The following GMDS variants were observed in gnomAD, a reference collection of about 807,000 sequenced individuals.
GMDS encodes GDP-mannose 4,6 dehydratase.
In GMDS, 20 loss-of-function variants were observed where a neutral mutation model predicts 49.9. That is an observed-to-expected ratio of 0.40 (90% CI 0.28 to 0.58). GMDS has a LOEUF of 0.58. Ranked by LOEUF, GMDS falls within the 20% of genes least tolerant of loss-of-function variation. GMDS has a pLI of 0.42. For synonymous variants in GMDS, 177 were observed against 178.6 expected, an observed-to-expected ratio of 0.99 and a Z score of 0.07; for missense variants, 362 against 481.4, an observed-to-expected ratio of 0.75 and a Z score of 2.32.
chr6:1,961,574 C>T (rs535215113), intron 4 of GMDS, among the ~76,000 whole-genome samples: 94 of 152,170 alleles, frequency 6.2e-4, no homozygotes, highest in African/African-American at 1.8e-3. Flanking sequence ...AGGAATAATT[C>T]GATATTTTGC....
At chr6:2,167,119 C>T (rs554449897) in intron 1 of GMDS, among the ~76,000 whole-genome samples, 2 of 152,320 alleles carry the variant, frequency 1.3e-5, no homozygotes, top group South Asian at 4.1e-4. Context: ...CCAATGACTT[C>T]CTAGATACCT....
intron 9 of GMDS, among the ~76,000 whole-genome samples, chr6:1,630,432 A>G (rs1336482350): frequency 1.3e-5 from 2 of 152,206 alleles, no homozygotes; most frequent in African/African-American, 4.8e-5. Context: ...ACAGAGGAGC[A>G]TGCTCCCCAC....
intron 4 of GMDS, among the ~76,000 whole-genome samples, chr6:2,089,107 TG>T (rs1441458471): frequency 6.6e-6 from 1 of 152,226 alleles, no homozygotes; most frequent in Non-Finnish European, 1.5e-5. Context: ...TTTAAAATAC[TG>T]TTATCCAGTA....
At chr6:2,075,960 G>T (rs559973312) in intron 4 of GMDS, among the ~76,000 whole-genome samples, 1 of 152,154 alleles carries the variant, frequency 6.6e-6, no homozygotes, top group East Asian at 1.9e-4. Context: ...TAACTGGTGT[G>T]AGATGGTATC....
At chr6:2,001,745 A>G (rs1766829824) in intron 4 of GMDS, among the ~76,000 whole-genome samples, 1 of 152,210 alleles carries the variant, frequency 6.6e-6, no homozygotes, top group Admixed American at 6.5e-5. Context: ...TGTGTCTAGG[A>G]TCGACTGATT....
At chr6:2,010,708 G>A (rs1767506204) in intron 4 of GMDS, among the ~76,000 whole-genome samples, 1 of 152,106 alleles carries the variant, frequency 6.6e-6, no homozygotes, top group Admixed American at 6.5e-5. Flanking sequence ...AAGAACATCA[G>A]AAGTGATAAA....
Position 1,833,262 on chromosome 6 carries a change from G to A in GMDS, c.772-90676C>T, listed in dbSNP as rs989864438. Among the ~76,000 whole-genome samples, 1 of 150,964 alleles carries A rather than the reference G, an allele frequency of 6.6e-6. No individual in the cohort carries two copies. The highest frequency in any genetic ancestry group is 2.4e-5 in the African/African-American group (1 of 40,984). ...CTGGGCTTCAATGCCAAAACTACAC[G>A]TGTCAGTGACTTCCAGAGAAGGGGA... On this transcript the variant is annotated intron_variant, in intron 7 of 10. Coordinates refer to ENST00000380815, the MANE Select transcript of GMDS (RefSeq NM_001500.4). The surrounding 1 kb of genome is among the most constrained non-coding windows in gnomAD (Gnocchi z 4.4).
intron 9 of GMDS, among the ~76,000 whole-genome samples, chr6:1,683,065 C>T (rs1259153244): frequency 6.6e-6 from 1 of 152,178 alleles, no homozygotes; most frequent in Non-Finnish European, 1.5e-5. Flanking sequence ...ACGTCGACAT[C>T]CTGTCTCTTT....
chr6:2,225,094 T>TG (rs1269034939), intron 1 of GMDS, among the ~76,000 whole-genome samples: 8 of 150,606 alleles, frequency 5.3e-5, no homozygotes, highest in Middle Eastern at 3.4e-3. Flanking sequence ...CCGAGGTGGG[T>TG]GGATCGCTTG....
intron 1 of GMDS, among the ~76,000 whole-genome samples, chr6:2,168,884 C>A (rs1239261184): frequency 6.6e-6 from 1 of 152,114 alleles, no homozygotes; most frequent in African/African-American, 2.4e-5. Context: ...TTACAGCCAA[C>A]AAAGAACAAA....
At chr6:1,876,452 G>A (rs1759067619) in intron 7 of GMDS, among the ~76,000 whole-genome samples, 1 of 152,200 alleles carries the variant, frequency 6.6e-6, no homozygotes, top group Non-Finnish European at 1.5e-5. Flanking sequence ...GAAAATAAAT[G>A]TGGTGATTTG....
intron 1 of GMDS, among the ~76,000 whole-genome samples, chr6:2,125,850 G>A (rs2127511176): frequency 6.6e-6 from 1 of 152,188 alleles, no homozygotes; most frequent in East Asian, 1.9e-4. Context: ...AGCAGGGATG[G>A]GGATCAGATT....
At chr6:2,122,026 T>C (rs1775164523) in intron 2 of GMDS, among the ~76,000 whole-genome samples, 2 of 152,238 alleles carry the variant, frequency 1.3e-5, no homozygotes, top group South Asian at 4.1e-4. Flanking sequence ...GTTCCTGGTT[T>C]GTCCTCTGCT....
chr6:1,720,918 G>A (rs1444853423), intron 9 of GMDS, among the ~76,000 whole-genome samples: 1 of 152,114 alleles, frequency 6.6e-6, no homozygotes, highest in Non-Finnish European at 1.5e-5. Flanking sequence ...TGAGAAGGTG[G>A]TGAGAACAGC....
intron 4 of GMDS, among the ~76,000 whole-genome samples, chr6:2,089,713 C>A (rs1369986847): frequency 6.6e-6 from 1 of 152,134 alleles, no homozygotes; most frequent in African/African-American, 2.4e-5. Flanking sequence ...TGTCAGGAAC[C>A]TAGGACTTAC....
chr6:2,164,161 C>T (rs1164420515), intron 1 of GMDS, among the ~76,000 whole-genome samples: 1 of 152,206 alleles, frequency 6.6e-6, no homozygotes, highest in Non-Finnish European at 1.5e-5. Flanking sequence ...ACATTAAATG[C>T]AGAATCTTTG....
intron 9 of GMDS, among the ~76,000 whole-genome samples, chr6:1,669,583 C>T (rs917009912): frequency 6.6e-6 from 1 of 152,164 alleles, no homozygotes; most frequent in Non-Finnish European, 1.5e-5. Flanking sequence ...CACCGCAGCT[C>T]AGGCACCTCT....
intron 4 of GMDS, among the ~76,000 whole-genome samples, chr6:1,974,060 A>C (rs1372883619): frequency 3.3e-5 from 5 of 152,192 alleles, no homozygotes; most frequent in African/African-American, 1.2e-4. Context: ...TGTGGATAAT[A>C]AGCTGTTTTC....
At chr6:2,086,663 G>C (rs1773033517) in intron 4 of GMDS, among the ~76,000 whole-genome samples, 1 of 152,212 alleles carries the variant, frequency 6.6e-6, no homozygotes, top group South Asian at 2.1e-4. Context: ...GTTGCTGATA[G>C]ATTTTCTTCT....
Sources: allele counts gnomAD v4.1 joint callset (sites outside exome capture counted in the v4.1 genomes callset), GRCh38; gene constraint gnomAD v4.1.1; non-coding constraint Gnocchi (gnomAD v3.1); transcripts MANE v1.5; gene names NCBI Gene and HGNC (gene_info 2026-07-23, HGNC 2026-07-21).